Variants in DNAJB6 observed in about 807,000 individuals in gnomAD.
DNAJB6 encodes DnaJ heat shock protein family (Hsp40) member B6.
DNAJB6 carries 16 observed loss-of-function variants against 42.7 expected under a neutral mutation model. The observed-to-expected ratio is 0.37, with a 90% CI of 0.25 to 0.57. The LOEUF (loss-of-function observed/expected upper bound fraction) is 0.57. Among genes scored for constraint, DNAJB6 ranks in the 20% least tolerant of loss-of-function variants. DNAJB6 has a pLI of 0.74. For missense variants in DNAJB6, 347 were observed against 416.8 expected (o/e 0.83, Z 1.46); for synonymous variants, 170 against 163.5 (o/e 1.04, Z -0.30).
chr7:157,382,550 T>A, intron 6 of DNAJB6, 173 bp downstream of exon 6: 1 of 439,370 alleles, frequency 2.3e-6, no homozygotes, highest in Non-Finnish European at 3.8e-6. Context: ...CTACATTTTC[T>A]CCTAATCTTC....
chr7:157,354,011 G>GCA (rs1799146072), intron 1 of DNAJB6, among the ~76,000 whole-genome samples: 1 of 152,038 alleles, frequency 6.6e-6, no homozygotes, highest in Non-Finnish European at 1.5e-5. Context: ...GCTTGATCTA[G>GCA]CATTAGCCAG....
chr7:157,338,798 G>A (rs1798186911), intron 1 of DNAJB6, among the ~76,000 whole-genome samples: 3 of 152,218 alleles, frequency 2.0e-5, no homozygotes, highest in South Asian at 4.1e-4. Context: ...TGGGAAGTAA[G>A]TTGCCTTAAG....
rs1209394847 is a variant in DNAJB6 at position 157,370,058 on chromosome 7, AC to A, written c.346+2576del. 3.9e-4 allele frequency among the ~76,000 whole-genome samples: 58 copies of A among 147,062 alleles called. 2 individuals carry two copies. The highest frequency in any genetic ancestry group is 1.4e-3 in the African/African-American group (54 of 38,596). On this transcript the variant is annotated intron_variant, in intron 5 of 9. Transcript: ENST00000262177. ...ATTATTATTAAACAGGTCTTTCATA[AC>A]GTTATTATTAAACGGGCCCCTTCTT...
intron 5 of DNAJB6, chr7:157,369,293 C>T (rs1799996510): frequency 1.3e-5 from 6 of 456,516 alleles, no homozygotes; most frequent in East Asian, 1.4e-4. Flanking sequence ...ACGGATTGAT[C>T]TCTGTCTTAA....
At chr7:157,339,598 CTTTTGTGTGTGTGTGTGT>C (rs1423565072) in intron 1 of DNAJB6, among the ~76,000 whole-genome samples, 2 of 134,188 alleles carry the variant, frequency 1.5e-5, no homozygotes, top group Non-Finnish European at 3.1e-5. Flanking sequence ...CGCGCCCGGC[CTTTTGTGTGTGTGTGTGT>C]GTGTGTGTGT....
intron 8 of DNAJB6, among the ~76,000 whole-genome samples, chr7:157,403,992 G>A (rs762676669): frequency 4.4e-4 from 67 of 151,874 alleles, no homozygotes; most frequent in Non-Finnish European, 8.1e-4. Flanking sequence ...TTTTTTTAAG[G>A]CAGGATTTCT....
At chr7:157,389,678 TTTGG>T (rs1201076777) in intron 8 of DNAJB6, among the ~76,000 whole-genome samples, 1 of 152,202 alleles carries the variant, frequency 6.6e-6, no homozygotes, top group African/African-American at 2.4e-5. Flanking sequence ...AAGTCTGTCA[TTTGG>T]CTACGTTATT....
At position 157,384,527 on chromosome 7, in the gene DNAJB6, C is replaced by T. The variant is rs1052442356; in HGVS notation, c.479-340C>T. ...TTCCAGAATGTTCACATTAACACAA[C>T]ACGTGCTTCATGGTGCCAAGCAGAC... On this transcript the variant is annotated intron_variant, in intron 6 of 9. Transcript: ENST00000262177. Among the ~76,000 whole-genome samples, 4 of 152,298 alleles carry T rather than the reference C, an allele frequency of 2.6e-5. No homozygotes were observed. In the East Asian group the frequency reaches 7.7e-4, roughly 29 times the overall value.
intron 5 of DNAJB6, among the ~76,000 whole-genome samples, chr7:157,371,305 G>A (rs1032068631): frequency 7.2e-5 from 11 of 152,238 alleles, no homozygotes; most frequent in Non-Finnish European, 1.5e-4. Flanking sequence ...TTTAAAATGT[G>A]CTGTAAGATA....
chr7:157,387,939 G>A (rs1351968467), intron 8 of DNAJB6, among the ~76,000 whole-genome samples: 2 of 152,022 alleles, frequency 1.3e-5, no homozygotes, highest in Non-Finnish European at 1.5e-5. Context: ...TCTGCCTCCC[G>A]GGTTCAAGCA....
In DNAJB6 at chr7:157,370,060, GTTATTATTAAACGGGCCCCTTCTTAACA is replaced by G. The variant is rs1357693790; in HGVS notation, c.346+2590_346+2617del. Among the ~76,000 whole-genome samples, 2 of 124,362 alleles carry G rather than the reference GTTATTATTAAACGGGCCCCTTCTTAACA, an allele frequency of 1.6e-5. 1 individual carries two copies. Among genetic ancestry groups the G allele is most frequent in the Non-Finnish European group, 3.3e-5 (2 of 60,344 alleles). 81.6% of individuals were successfully genotyped at this position (124,362 alleles called of 152,430 possible). ...TATTATTAAACAGGTCTTTCATAAC[GTTATTATTAAACGGGCCCCTTCTTAACA>G]TTATTATTAAACAGGCCCCTTCTTA... is the stretch of plus-strand genomic sequence containing the variant. On this transcript the variant is annotated intron_variant, in intron 5 of 9. Coordinates refer to ENST00000262177, the MANE Select transcript of DNAJB6 (RefSeq NM_058246.4).
chr7:157,366,487 T>C lies in DNAJB6; in HGVS notation c.176-15T>C. On this transcript the variant is annotated splice_polypyrimidine_tract_variant and intron_variant, in intron 3 of 9. Coordinates refer to ENST00000262177, the MANE Select transcript of DNAJB6 (RefSeq NM_058246.4). ...AAAGGAACTTGGCCTTACCGACTTT[T>C]CTTTCAATTTTTAGCTAAGAAACGG... The C allele has an allele frequency of 1.2e-6, 2 of 1,613,736 alleles. No homozygotes were observed. The highest frequency in any genetic ancestry group is 1.7e-6 in the Non-Finnish European group (2 of 1,179,786).
At chr7:157,355,409 C>T (rs1453701585) in intron 1 of DNAJB6, among the ~76,000 whole-genome samples, 1 of 152,190 alleles carries the variant, frequency 6.6e-6, no homozygotes, top group Non-Finnish European at 1.5e-5. Context: ...ATCTGCCCGC[C>T]TCGGCCTCCC....
In DNAJB6 at chr7:157,361,985, C is replaced by T. The variant is rs186495827; in HGVS notation, c.66-1176C>T. Among the ~76,000 whole-genome samples, 111 of 152,194 alleles carry T rather than the reference C, an allele frequency of 7.3e-4. 1 individual carries two copies. Among genetic ancestry groups the T allele is most frequent in the Admixed American group, 1.2e-3 (18 of 15,278 alleles). The stretch of plus-strand genomic sequence containing the variant: ...TTTGCCATGTTGGCCAGGTTGGTCT[C>T]GAACTCCTGACCTCAGGTGATCCAC... On this transcript the variant is annotated intron_variant, in intron 2 of 9. Transcript: ENST00000262177.
intron 8 of DNAJB6, among the ~76,000 whole-genome samples, chr7:157,401,241 A>C (rs1440683625): frequency 6.6e-6 from 1 of 151,940 alleles, no homozygotes; most frequent in Non-Finnish European, 1.5e-5. Flanking sequence ...TTTTTTGAGA[A>C]GGAGTCTCAC....
intron 1 of DNAJB6, among the ~76,000 whole-genome samples, chr7:157,353,511 G>A (rs1236974522): frequency 1.3e-5 from 2 of 151,744 alleles, no homozygotes; most frequent in African/African-American, 2.4e-5. Context: ...GAAACCATCC[G>A]AGGAACCCAG....
At chr7:157,340,367 T>TG (rs1408838378) in intron 1 of DNAJB6, among the ~76,000 whole-genome samples, 3 of 152,012 alleles carry the variant, frequency 2.0e-5, no homozygotes. Context: ...ATTTAGCAAA[T>TG]GGTGTAGTTC....
At chr7:157,344,296 C>T (rs906561250) in intron 1 of DNAJB6, among the ~76,000 whole-genome samples, 2 of 151,948 alleles carry the variant, frequency 1.3e-5, no homozygotes, top group African/African-American at 4.8e-5. Context: ...AGCCGAGATC[C>T]CTCTACTGCA....
At chr7:157,359,978 A>G (rs756488236) in intron 2 of DNAJB6, among the ~76,000 whole-genome samples, 1 of 152,248 alleles carries the variant, frequency 6.6e-6, no homozygotes, top group Non-Finnish European at 1.5e-5. Context: ...CCTGTGCTGC[A>G]CACTTGAGGC....
Sources: gnomAD v4.1 joint callset for allele counts (sites outside exome capture counted in the v4.1 genomes callset) on GRCh38, gnomAD v4.1.1 for gene constraint, MANE v1.5 for transcripts, NCBI Gene and HGNC (gene_info 2026-07-23, HGNC 2026-07-21) for gene names.